Variants in ABI2 observed in about 807,000 individuals in gnomAD.
ABI2 encodes the protein abelson interactor 2.
A neutral mutation model predicts 59.2 loss-of-function variants in ABI2; 25 were observed. The observed-to-expected ratio is 0.42, with a 90% CI of 0.31 to 0.59. ABI2 has a LOEUF of 0.59. ABI2 is among the 20% of genes least tolerant of loss of function. The pLI, the probability that ABI2 is intolerant of heterozygous loss-of-function variation, is 0.14. For synonymous variants in ABI2, 213 were observed against 235.5 expected, an observed-to-expected ratio of 0.90 and a Z score of 0.87; for missense variants, 545 against 681.8, an observed-to-expected ratio of 0.80 and a Z score of 2.23.
At chr2:203,340,016 C>T (rs1042510111) in intron 1 of ABI2, among the ~76,000 whole-genome samples, 2 of 152,132 alleles carry the variant, frequency 1.3e-5, no homozygotes. Flanking sequence ...GGGTCAACTG[C>T]ATATGTAATA....
chr2:203,346,838 A>T (rs1306707486), intron 1 of ABI2, among the ~76,000 whole-genome samples: 1 of 152,190 alleles, frequency 6.6e-6, no homozygotes, highest in African/African-American at 2.4e-5. Context: ...CCTTTATCTT[A>T]TCTTATATTC....
At chr2:203,346,382 G>A (rs968651728) in intron 1 of ABI2, among the ~76,000 whole-genome samples, 1 of 152,194 alleles carries the variant, frequency 6.6e-6, no homozygotes, top group African/African-American at 2.4e-5. Flanking sequence ...TATTTCTGCA[G>A]CTTGGGAATA....
In ABI2 at chr2:203,418,986, G is replaced by A. The variant is rs370218524; in HGVS notation, c.1453+1905G>A. Among the ~76,000 whole-genome samples the A allele has an allele frequency of 2.0e-5, 3 of 152,050 alleles. No homozygotes were observed. The South Asian group carries it at 6.2e-4, about 32-fold the overall frequency. On this transcript the variant is annotated intron_variant, in intron 11 of 11. Coordinates refer to ENST00000261018, the MANE Select transcript of ABI2 (RefSeq NM_001375670.1). ...CAGAGGAACAAAGATAAGAATGACT[G>A]CATGGTTCTCATCAAAAAGCTGTTA...
At chr2:203,340,744 A>G (rs916743861) in intron 1 of ABI2, among the ~76,000 whole-genome samples, 1 of 152,044 alleles carries the variant, frequency 6.6e-6, no homozygotes, top group African/African-American at 2.4e-5. Flanking sequence ...TAACCATTTT[A>G]CAGTTTATGT....
At chr2:203,414,762 G>A (rs1365557483) in intron 10 of ABI2, among the ~76,000 whole-genome samples, 1 of 152,138 alleles carries the variant, frequency 6.6e-6, no homozygotes, top group Non-Finnish European at 1.5e-5. Context: ...AAGATAATAG[G>A]CATTGGAGTT....
chr2:203,351,510 G>GT (rs973622442), intron 1 of ABI2: 2 of 394,014 alleles, frequency 5.1e-6, no homozygotes, highest in African/African-American at 4.5e-5. Flanking sequence ...TTTCAATGAT[G>GT]TTTTGTAGTT....
intron 4 of ABI2, among the ~76,000 whole-genome samples, chr2:203,387,893 T>G (rs2153276499): frequency 6.6e-6 from 1 of 152,332 alleles, no homozygotes; most frequent in African/African-American, 2.4e-5. Flanking sequence ...CACATAGAGA[T>G]CTCATGTTTT....
At chr2:203,395,243 ATG>A (rs1343685598) in intron 6 of ABI2, among the ~76,000 whole-genome samples, 1 of 152,078 alleles carries the variant, frequency 6.6e-6, no homozygotes, top group Non-Finnish European at 1.5e-5. Flanking sequence ...GTTTAGGAAA[ATG>A]TTTTTGTTTT....
intron 4 of ABI2, among the ~76,000 whole-genome samples, chr2:203,389,210 A>G (rs996662397): frequency 6.6e-6 from 1 of 152,188 alleles, no homozygotes; most frequent in East Asian, 1.9e-4. Flanking sequence ...CCGCTTATTA[A>G]TGAGAGGGAG....
intron 4 of ABI2, among the ~76,000 whole-genome samples, chr2:203,382,671 AT>A (rs2153223785): frequency 6.6e-6 from 1 of 152,126 alleles, no homozygotes; most frequent in South Asian, 2.1e-4. Context: ...ATGCTTTCTG[AT>A]ATACCTTATG....
chr2:203,353,106 T>A (rs2089911271), intron 1 of ABI2, among the ~76,000 whole-genome samples: 1 of 152,244 alleles, frequency 6.6e-6, no homozygotes, highest in South Asian at 2.1e-4. Flanking sequence ...TCAGAATGTA[T>A]CCCTGTTAAG....
chr2:203,333,247 C>G (rs2074783723), intron 1 of ABI2, among the ~76,000 whole-genome samples: 1 of 152,004 alleles, frequency 6.6e-6, no homozygotes, highest in South Asian at 2.1e-4. Flanking sequence ...GAAAATTGCC[C>G]GATCATCTTG....
At chr2:203,351,568 G>A (rs2088510372) in intron 1 of ABI2, 2 of 434,348 alleles carry the variant, frequency 4.6e-6, no homozygotes, top group South Asian at 1.7e-5. Context: ...TGGGGTCTTG[G>A]TATGTCATGC....
At chr2:203,358,555 T>C (rs1195082070) in intron 1 of ABI2, among the ~76,000 whole-genome samples, 3 of 152,246 alleles carry the variant, frequency 2.0e-5, no homozygotes, top group Non-Finnish European at 4.4e-5. Context: ...CAAACACTTT[T>C]AGAATTCTGT....
chr2:203,365,345 T>G (rs993162190), intron 1 of ABI2, among the ~76,000 whole-genome samples: 3 of 152,178 alleles, frequency 2.0e-5, no homozygotes, highest in Non-Finnish European at 1.5e-5. Context: ...ACTGCATTAA[T>G]GTACTATATG....
intron 6 of ABI2, chr2:203,395,073 T>C (rs1361461574): frequency 1.4e-6 from 1 of 715,176 alleles, no homozygotes. Context: ...TCTCCAAGTT[T>C]TAAGAGTTCA....
chr2:203,332,602 GC>G (rs2074349858), intron 1 of ABI2, among the ~76,000 whole-genome samples: 1 of 152,166 alleles, frequency 6.6e-6, no homozygotes, highest in Non-Finnish European at 1.5e-5. Flanking sequence ...TCCAGCCTGG[GC>G]GACAGAGCAA....
chr2:203,425,336 G>A (rs752473026), intron 11 of ABI2, among the ~76,000 whole-genome samples: 19 of 152,018 alleles, frequency 1.2e-4, no homozygotes, highest in Non-Finnish European at 2.5e-4. Flanking sequence ...CCAAGTAGCT[G>A]GGATTACAGG....
In ABI2 at chr2:203,338,983, A is replaced by C. The variant is rs9678024; in HGVS notation, c.117+10352A>C. ...ATATAAATATATATATATATATATA[A>C]ATATATATATATATATATATATATA... is the stretch of plus-strand genomic sequence containing the variant. On this transcript the variant is annotated intron_variant, in intron 1 of 11. Coordinates refer to ENST00000261018, the MANE Select transcript of ABI2 (RefSeq NM_001375670.1). Among the ~76,000 whole-genome samples the C allele has an allele frequency of 2.4e-4, 3 of 12,356 alleles. 1 individual carries two copies. The highest frequency in any genetic ancestry group is 7.9e-4 in the African/African-American group (3 of 3,818). 8.1% of individuals were successfully genotyped at this position (12,356 alleles called of 152,430 possible).
Sources: gnomAD v4.1 joint callset for allele counts (sites outside exome capture counted in the v4.1 genomes callset) on GRCh38, gnomAD v4.1.1 for gene constraint, MANE v1.5 for transcripts, NCBI Gene and HGNC (gene_info 2026-07-23, HGNC 2026-07-21) for gene names.